PHRF1: variants seen among roughly 807,000 people sequenced by gnomAD.
The protein encoded by PHRF1 is PHD and RING finger domain-containing protein 1.
PHRF1 carries 53 observed loss-of-function variants against 128.9 expected under a neutral mutation model. The observed-to-expected ratio is 0.41, with a 90% CI of 0.33 to 0.52. PHRF1 has a LOEUF of 0.52. Among genes scored for constraint, PHRF1 ranks in the 20% least tolerant of loss-of-function variants. The pLI is 0.21. For synonymous variants in PHRF1, 1,178 were observed against 980.6 expected (o/e 1.20, Z -3.76); for missense variants, 2,503 against 2,284.5 (o/e 1.10, Z -1.95).
At chr11:592,472 G>A in intron 5 of PHRF1, 87 bp from the exon 6 acceptor site, 1 of 1,325,350 alleles carries the variant, frequency 7.5e-7, no homozygotes, top group South Asian at 1.2e-5. Context: ...GGCAATGGGT[G>A]GATTCTGGAT....
rs921333681 is a variant in PHRF1 at position 607,417 on chromosome 11, C to T, written c.1961C>T (p.Ser654Phe). The change falls in exon 14 of 18, where the codon TCT becomes TTT. Residue 654 changes from serine to phenylalanine, a missense_variant. Coordinates refer to ENST00000264555, the MANE Select transcript of PHRF1 (RefSeq NM_001286581.2). ...SAASKISSRD[S>F]KPPCRSVVPG... ...GCGTCTAAGATCTCAAGCAGAGATTCTAAGCCCCCATGTCGCAGTGTGGTG... is the reference window on the plus strand; with the variant it reads ...GCGTCTAAGATCTCAAGCAGAGATTTTAAGCCCCCATGTCGCAGTGTGGTG... The T allele has an allele frequency of 6.2e-7, 1 of 1,612,858 alleles. No individual in the cohort carries two copies. The highest frequency in any genetic ancestry group is 2.2e-5 in the East Asian group (1 of 44,892).
intron 1 of PHRF1, among the ~76,000 whole-genome samples, chr11:579,371 C>T (rs1387114964): frequency 6.6e-6 from 1 of 152,206 alleles, no homozygotes; most frequent in African/African-American, 2.4e-5. Context: ...GCAGGGACTG[C>T]ATTCGCCTTG....
Position 597,283 on chromosome 11 carries a change from C to T in PHRF1, c.719-112C>T. On this transcript the variant is annotated intron_variant, in intron 7 of 17. Transcript: ENST00000264555. The surrounding 1 kb of genome is among the most constrained non-coding windows in gnomAD (Gnocchi z 6.5). ...TCCATGAGCAGCCCTGGGTCCTGTG[C>T]ACAGGTCAGCCCGAGCCAGGGCTGC... 6 of 1,357,948 alleles carry T rather than the reference C, an allele frequency of 4.4e-6. No homozygotes were observed. Among genetic ancestry groups the T allele is most frequent in the South Asian group, 2.8e-5 (2 of 71,258 alleles). The allele number at this position is 1,357,948 out of a possible 1,614,324, so 84.1% of individuals were successfully genotyped here.
chr11:590,348 C>T (rs1038395926), intron 4 of PHRF1, among the ~76,000 whole-genome samples: 7 of 152,184 alleles, frequency 4.6e-5, no homozygotes, highest in African/African-American at 1.4e-4. Context: ...GGAATGGACA[C>T]GTGGACCATT....
chr11:579,406 A>G (rs966408200), intron 1 of PHRF1, among the ~76,000 whole-genome samples: 1 of 152,172 alleles, frequency 6.6e-6, no homozygotes, highest in Non-Finnish European at 1.5e-5. Context: ...GGAGCAGGGT[A>G]GGTGTTGGAG....
chr11:592,812 G>C (rs1393021630), intron 6 of PHRF1, 138 bp downstream of exon 6: 53 of 891,002 alleles, frequency 5.9e-5, no homozygotes, highest in Non-Finnish European at 8.7e-5. Flanking sequence ...TCAGCAGCGC[G>C]GTTCAGTCCT....
chr11:587,947 C>G (rs1483792635), intron 4 of PHRF1, among the ~76,000 whole-genome samples: 3 of 152,166 alleles, frequency 2.0e-5, no homozygotes, highest in South Asian at 2.1e-4. Context: ...TTTTATATTT[C>G]AAAATGAACT....
At chr11:605,443 C>T in intron 11 of PHRF1, 143 bp downstream of exon 11, 1 of 1,459,426 alleles carries the variant, frequency 6.9e-7, no homozygotes. Context: ...CCATACGGTG[C>T]AGGTGGGTGG....
intron 11 of PHRF1, 82 bp downstream of exon 11, chr11:605,382 G>T: frequency 6.5e-7 from 1 of 1,540,258 alleles, no homozygotes. Flanking sequence ...AGGTGCATGC[G>T]GAGGCGTTAG....
Position 612,031 on chromosome 11 carries a change from A to T in PHRF1, c.*254A>T. 1.9e-6 allele frequency: 1 copy of T among 516,118 alleles called. No individual in the cohort carries two copies. The highest frequency in any genetic ancestry group is 3.3e-6 in the Non-Finnish European group (1 of 298,598). The allele number at this position is 516,118 out of a possible 1,614,324, so 32.0% of individuals were successfully genotyped here. A position where few individuals can be genotyped will look rare whatever the true frequency, so the allele number is the denominator to read the frequency against. On this transcript the variant is annotated 3_prime_UTR_variant, in exon 18 of 18. Coordinates refer to ENST00000264555, the MANE Select transcript of PHRF1 (RefSeq NM_001286581.2). Reference sequence around the variant, plus strand: ...ATTATAGAGACACTGTTTCCATTCTAATTTATCAAAAATGGATTATCTTTA... The same window carrying T: ...ATTATAGAGACACTGTTTCCATTCTTATTTATCAAAAATGGATTATCTTTA...
Position 592,774 on chromosome 11 carries a change from C to G in PHRF1, c.620+100C>G. 2.3e-6 allele frequency: 3 copies of G among 1,320,454 alleles called. No individual in the cohort carries two copies. In the South Asian group the frequency reaches 3.6e-5, roughly 16 times the overall value. 81.8% of individuals were successfully genotyped at this position (1,320,454 alleles called of 1,614,324 possible). On this transcript the variant is annotated intron_variant, in intron 6 of 17. Coordinates refer to ENST00000264555, the MANE Select transcript of PHRF1 (RefSeq NM_001286581.2). ...CTCTTCGCTCTGTGAAGTCTGAGTC[C>G]CAGCACCTGGAGCTGTGCTCACCAC...
At chr11:590,181 C>A (rs550182015) in intron 4 of PHRF1, among the ~76,000 whole-genome samples, 101 of 152,214 alleles carry the variant, frequency 6.6e-4, no homozygotes, top group Non-Finnish European at 1.2e-3. Context: ...GGGGTGCTGC[C>A]GCACACCCCT....
intron 10 of PHRF1, among the ~76,000 whole-genome samples, chr11:602,901 T>C (rs1855723243): frequency 6.6e-6 from 1 of 151,724 alleles, no homozygotes; most frequent in Non-Finnish European, 1.5e-5. Flanking sequence ...TCGCTGGGAT[T>C]ATAGGCGTGT....
intron 6 of PHRF1, 23 bp downstream of exon 6, chr11:592,697 A>G: frequency 6.2e-7 from 1 of 1,612,326 alleles, no homozygotes; most frequent in Non-Finnish European, 8.5e-7. Flanking sequence ...TGGGACTGGC[A>G]CACGTGCCCT....
intron 10 of PHRF1, among the ~76,000 whole-genome samples, chr11:602,764 T>C (rs1051110776): frequency 6.7e-6 from 1 of 149,530 alleles, no homozygotes; most frequent in Non-Finnish European, 1.5e-5. Flanking sequence ...TGTTTTTGTT[T>C]TTTTTGTTTT....
intron 1 of PHRF1, among the ~76,000 whole-genome samples, chr11:580,543 C>T (rs969904217): frequency 2.0e-5 from 3 of 152,220 alleles, no homozygotes; most frequent in Non-Finnish European, 4.4e-5. Context: ...AGAGGAGCCT[C>T]CAGGCATCCC....
At position 609,627 on chromosome 11, in the gene PHRF1, AC is replaced by A. The variant is rs1296779022; in HGVS notation, c.4177del (p.Leu1393CysfsTer8). On this transcript the variant is annotated frameshift_variant, in exon 14 of 18. Coordinates refer to ENST00000264555, the MANE Select transcript of PHRF1 (RefSeq NM_001286581.2). LOFTEE classifies it high-confidence loss of function. ...CCGGCCTGAGGAGGTGGTTTCGCAG[AC>A]CCCCCTGCTGCGGTCCAGAGCCCTG... ...AARPEEVVSQ[T>X]PLLRSRALVK... 2.5e-6 allele frequency: 4 copies of A among 1,580,322 alleles called. No homozygotes were observed. Among genetic ancestry groups the A allele is most frequent in the Admixed American group, 3.6e-5 (2 of 55,252 alleles).
At chr11:583,553 C>A (rs898247922) in intron 3 of PHRF1, among the ~76,000 whole-genome samples, 1 of 152,204 alleles carries the variant, frequency 6.6e-6, no homozygotes. Flanking sequence ...TTACAATTGG[C>A]TGATGGTTGT....
In PHRF1 at chr11:598,501, A is replaced by C. The variant is rs766594041; in HGVS notation, c.1023A>C (p.Thr341=). ...CTCCCGCCCGACGGAAGAGGAAGAC[A>C]AGTAAGCCTGAAGGGATGGACTCTC... ...PRTPARRKRK[T]RRRKKVPGRK... The change falls in exon 9 of 18, where the codon ACA becomes ACC. Residue 341 remains threonine (T), a splice_region_variant and synonymous_variant. Coordinates refer to ENST00000264555, the MANE Select transcript of PHRF1 (RefSeq NM_001286581.2). 1 of 1,607,554 alleles carries C rather than the reference A, an allele frequency of 6.2e-7. No homozygotes were observed. Among genetic ancestry groups the C allele is most frequent in the South Asian group, 1.1e-5 (1 of 90,644 alleles).
Sources: allele counts gnomAD v4.1 joint callset (sites outside exome capture counted in the v4.1 genomes callset), GRCh38; gene constraint gnomAD v4.1.1; non-coding constraint Gnocchi (gnomAD v3.1); transcripts MANE v1.5; gene names NCBI Gene and HGNC (gene_info 2026-07-23, HGNC 2026-07-21).